The following HSF2BP variants were observed in gnomAD, a reference collection of about 807,000 sequenced individuals.
HSF2BP encodes heat shock transcription factor 2 binding protein.
In HSF2BP, 35 loss-of-function variants were observed where a neutral mutation model predicts 35.0. That is an observed-to-expected ratio of 1.00 (90% CI 0.76 to 1.32). The LOEUF is 1.32. Ranked by LOEUF, HSF2BP falls within the 40% of genes most tolerant of loss-of-function variation. The pLI is 0.00. For synonymous variants in HSF2BP, 114 were observed against 117.4 expected, an observed-to-expected ratio of 0.97 and a Z score of 0.18; for missense variants, 326 against 321.7, an observed-to-expected ratio of 1.01 and a Z score of -0.10.
chr21:43,644,288 C>T lies in HSF2BP; in HGVS notation c.291+1G>A, dbSNP rs1568938827. The T allele has an allele frequency of 1.9e-6, 3 of 1,612,050 alleles. No individual in the cohort carries two copies. The South Asian group carries it at 3.3e-5, about 18-fold the overall frequency. ...TGAGAGTCTGTCCCTGAGCATGGTACCTTCTTCTCTCTTATGTTGTCGGCC... is the reference window on the plus strand; with the variant it reads ...TGAGAGTCTGTCCCTGAGCATGGTATCTTCTTCTCTCTTATGTTGTCGGCC... On this transcript the variant is annotated splice_donor_variant, in intron 4 of 8. Coordinates refer to ENST00000291560, the MANE Select transcript of HSF2BP (RefSeq NM_007031.2). LOFTEE classifies it high-confidence loss of function.
the HSF2BP span, among the ~76,000 whole-genome samples, chr21:43,498,484 ACTGGCCCTGGCC>A: frequency 7.4e-5 from 3 of 40,730 alleles, no homozygotes; most frequent in Admixed American, 2.0e-4. Flanking sequence ...AGACACAGCC[ACTGGCCCTGGCC>A]CTGGCCCTGG....
At chr21:43,599,437 T>C (rs963802960) in intron 7 of HSF2BP, among the ~76,000 whole-genome samples, 1 of 152,218 alleles carries the variant, frequency 6.6e-6, no homozygotes, top group African/African-American at 2.4e-5. Flanking sequence ...TGTATCAAGT[T>C]TCCAATTATC....
At chr21:43,649,552 C>CA (rs1289135326) in intron 3 of HSF2BP, among the ~76,000 whole-genome samples, 3 of 152,088 alleles carry the variant, frequency 2.0e-5, no homozygotes, top group African/African-American at 7.2e-5. Flanking sequence ...ACATTAACAT[C>CA]AAAAAACATA....
chr21:43,636,894 C>CAAAAAAAAAAAA (rs34578952), intron 4 of HSF2BP, among the ~76,000 whole-genome samples: 50 of 112,042 alleles, frequency 4.5e-4, no homozygotes, highest in East Asian at 7.9e-4. Context: ...CGTCTCAAAA[C>CAAAAAAAAAAAA]AAAAAAAAAA....
chr21:43,636,894 C>CAAAAAAAAAA (rs34578952), intron 4 of HSF2BP, among the ~76,000 whole-genome samples: 4 of 112,036 alleles, frequency 3.6e-5, no homozygotes, highest in Non-Finnish European at 3.7e-5. Flanking sequence ...CGTCTCAAAA[C>CAAAAAAAAAA]AAAAAAAAAA....
At chr21:43,645,285 G>A (rs988427793) in intron 3 of HSF2BP, among the ~76,000 whole-genome samples, 1 of 152,158 alleles carries the variant, frequency 6.6e-6, no homozygotes, top group African/African-American at 2.4e-5. Context: ...AGAGTCGGCT[G>A]GGTTCCATCC....
At chr21:43,581,054 C>T (rs751262091) in intron 8 of HSF2BP, among the ~76,000 whole-genome samples, 2 of 152,048 alleles carry the variant, frequency 1.3e-5, no homozygotes, top group Non-Finnish European at 2.9e-5. Context: ...GGCACACTGC[C>T]CTCAAGGGAA....
At chr21:43,634,997 G>A (rs1390551172) in intron 4 of HSF2BP, among the ~76,000 whole-genome samples, 1 of 151,988 alleles carries the variant, frequency 6.6e-6, no homozygotes, top group African/African-American at 2.4e-5. Context: ...AACCAGGAAG[G>A]ACTTTGCTCA....
At chr21:43,642,027 G>A (rs2082643174) in intron 4 of HSF2BP, among the ~76,000 whole-genome samples, 2 of 152,060 alleles carry the variant, frequency 1.3e-5, no homozygotes, top group Non-Finnish European at 2.9e-5. Context: ...CAGGTGCAGT[G>A]GCCCATGCCT....
rs1187316321 is a variant in HSF2BP, at chr21:43,632,051, CCCCCCCACACACG to C, written c.441+1208_441+1220del. On this transcript the variant is annotated intron_variant, in intron 5 of 8. Transcript: ENST00000291560. The stretch of plus-strand genomic sequence containing the variant: ...CATGCTCCCACACACACACACGCTC[CCCCCCCACACACG>C]CTCCCACATACACACGCTCCCACAC... 1.6e-3 allele frequency among the ~76,000 whole-genome samples: 22 copies of C among 14,104 alleles called. 1 individual carries two copies. Among genetic ancestry groups the C allele is most frequent in the African/African-American group, 9.9e-3 (21 of 2,118 alleles). The allele number at this position is 14,104 out of a possible 152,430, so 9.3% of individuals were successfully genotyped here.
intron 7 of HSF2BP, among the ~76,000 whole-genome samples, chr21:43,594,388 T>C (rs2081960686): frequency 6.6e-6 from 1 of 152,188 alleles, no homozygotes; most frequent in Non-Finnish European, 1.5e-5. Flanking sequence ...TTTGAAACTT[T>C]TCAACAGAGC....
rs1481332797 is a variant in HSF2BP at position 43,644,290 on chromosome 21, T to A, written c.290A>T (p.Lys97Met). ...AGAGTCTGTCCCTGAGCATGGTACC[T>A]TCTTCTCTCTTATGTTGTCGGCCTG... ...TVQADNIREK[K>M]EKLALRQQLN... Residue 97 changes from lysine to methionine, a missense_variant and splice_region_variant, in exon 4 of 9, where the codon AAG becomes ATG. By Grantham distance (95) the Lys-to-Met change is moderately conservative. Transcript: ENST00000291560. 6.2e-7 allele frequency: 1 copy of A among 1,612,518 alleles called. No individual in the cohort carries two copies. Among genetic ancestry groups the A allele is most frequent in the South Asian group, 1.1e-5 (1 of 91,068 alleles).
At chr21:43,573,367 C>G (rs542888974) in intron 8 of HSF2BP, among the ~76,000 whole-genome samples, 1 of 152,290 alleles carries the variant, frequency 6.6e-6, no homozygotes, top group South Asian at 2.1e-4. Flanking sequence ...CAAGGCTCCC[C>G]TTGAGAACTG....
intron 7 of HSF2BP, among the ~76,000 whole-genome samples, chr21:43,599,868 A>C (rs1430739856): frequency 6.6e-5 from 1 of 15,194 alleles, no homozygotes; most frequent in Non-Finnish European, 1.0e-4. Context: ...TTCCAATGAC[A>C]AAAAAAAAAA....
intron 8 of HSF2BP, among the ~76,000 whole-genome samples, chr21:43,585,925 T>C (rs2081844616): frequency 6.6e-6 from 1 of 152,200 alleles, no homozygotes; most frequent in Non-Finnish European, 1.5e-5. Flanking sequence ...CATGTGGAGA[T>C]ATCAAGTAGA....
At chr21:43,579,392 T>C (rs1488583553) in intron 8 of HSF2BP, among the ~76,000 whole-genome samples, 1 of 152,270 alleles carries the variant, frequency 6.6e-6, no homozygotes, top group East Asian at 1.9e-4. Context: ...CATTATATTT[T>C]AGTAGCCTAC....
At chr21:43,651,797 T>C (rs1393482161) in intron 3 of HSF2BP, among the ~76,000 whole-genome samples, 1 of 152,108 alleles carries the variant, frequency 6.6e-6, no homozygotes, top group Non-Finnish European at 1.5e-5. Context: ...CCCCTTCTCC[T>C]CCTAACAAAT....
intron 3 of HSF2BP, among the ~76,000 whole-genome samples, chr21:43,645,253 T>C (rs1359328075): frequency 6.6e-6 from 1 of 152,154 alleles, no homozygotes; most frequent in East Asian, 1.9e-4. Context: ...TACATCAGAA[T>C]CCCTGGAGGA....
chr21:43,575,596 T>C (rs1330188227), intron 8 of HSF2BP, among the ~76,000 whole-genome samples: 1 of 152,208 alleles, frequency 6.6e-6, no homozygotes, highest in Non-Finnish European at 1.5e-5. Context: ...GGGAGGAAAG[T>C]CTTTAGCCCA....
Sources: allele counts gnomAD v4.1 joint callset (sites outside exome capture counted in the v4.1 genomes callset), GRCh38; gene constraint gnomAD v4.1.1; transcripts MANE v1.5; gene names NCBI Gene and HGNC (gene_info 2026-07-23, HGNC 2026-07-21).